The following ABR variants were observed in gnomAD, a reference collection of about 807,000 sequenced individuals.
ABR encodes the protein ABR activator of RhoGEF and GTPase, also known as active breakpoint cluster region-related protein.
ABR carries 35 observed loss-of-function variants against 107.2 expected under a neutral mutation model. The ratio of observed to expected loss-of-function variants is 0.33; its 90% CI spans 0.25 to 0.43. ABR has a LOEUF of 0.43. ABR is among the 20% of genes least tolerant of loss of function. The pLI is 1.00. For missense variants in ABR, 815 were observed against 1,115.2 expected (o/e 0.73, Z 3.83); for synonymous variants, 498 against 462.0 (o/e 1.08, Z -1.00).
chr17:1,057,367 GTGTATGCGTTT>G (rs2033434943), intron 12 of ABR, among the ~76,000 whole-genome samples: 4 of 112,672 alleles, frequency 3.6e-5, no homozygotes, highest in Non-Finnish European at 3.7e-5. Flanking sequence ...TGTGTGTGTG[GTGTATGCGTTT>G]TGTTTTCGTT....
intron 2 of ABR, among the ~76,000 whole-genome samples, chr17:1,107,196 G>A (rs1009493486): frequency 1.3e-5 from 2 of 152,240 alleles, no homozygotes; most frequent in African/African-American, 4.8e-5. Context: ...GGGGACCCAG[G>A]AGGAGCAGCG....
At chr17:1,112,208 G>C (rs1192850731) in intron 2 of ABR, among the ~76,000 whole-genome samples, 3 of 152,194 alleles carry the variant, frequency 2.0e-5, no homozygotes, top group Admixed American at 2.0e-4. Flanking sequence ...GCACACATAC[G>C]AGGCTGGGAG....
intron 16 of ABR, among the ~76,000 whole-genome samples, chr17:1,025,476 C>T (rs962261204): frequency 1.3e-5 from 2 of 152,328 alleles, no homozygotes; most frequent in East Asian, 3.9e-4. Context: ...CGGCTTCCCA[C>T]TGCATTCGGA....
chr17:1,167,629 G>A (rs1329836063), intron 1 of ABR, among the ~76,000 whole-genome samples: 2 of 152,212 alleles, frequency 1.3e-5, no homozygotes, highest in Non-Finnish European at 2.9e-5. Context: ...CAGATGTGTT[G>A]TGTGACCTCT....
At position 1,078,682 on chromosome 17, in the gene ABR, A is replaced by G; in HGVS notation, c.700+648T>C. ...TGGATGCCGCCAAAACGAAGGGGGAATTCAGGTCCAGCCGCTCGCCCACCC... is the reference window on the plus strand; with the variant it reads ...TGGATGCCGCCAAAACGAAGGGGGAGTTCAGGTCCAGCCGCTCGCCCACCC... On this transcript the variant is annotated intron_variant, in intron 6 of 22. Coordinates refer to ENST00000302538, the MANE Select transcript of ABR (RefSeq NM_021962.5). The surrounding 1 kb of genome is among the most constrained non-coding windows in gnomAD (Gnocchi z 7.5). 1 of 930,980 alleles carries G rather than the reference A, an allele frequency of 1.1e-6. No individual in the cohort carries two copies. Among genetic ancestry groups the G allele is most frequent in the East Asian group, 2.7e-5 (1 of 36,860 alleles). The allele number at this position is 930,980 out of a possible 1,614,324, so 57.7% of individuals were successfully genotyped here. A position where few individuals can be genotyped will look rare whatever the true frequency, so the allele number is the denominator to read the frequency against.
In ABR at chr17:1,050,673, G is replaced by C; in HGVS notation, c.1562-39C>G. On this transcript the variant is annotated intron_variant, in intron 14 of 22. Coordinates refer to ENST00000302538, the MANE Select transcript of ABR (RefSeq NM_021962.5). The surrounding 1 kb of genome is among the most constrained non-coding windows in gnomAD (Gnocchi z 4.6). ...ACAGACGGAGATACTGAGTGAGTGG[G>C]GCCAGGGTGGGGCAGCTGGGGCGGC... 1 of 1,560,060 alleles carries C rather than the reference G, an allele frequency of 6.4e-7. No individual in the cohort carries two copies. Among genetic ancestry groups the C allele is most frequent in the South Asian group, 1.1e-5 (1 of 90,076 alleles).
intron 16 of ABR, among the ~76,000 whole-genome samples, chr17:1,017,019 C>A (rs1030162197): frequency 6.6e-6 from 1 of 152,080 alleles, no homozygotes; most frequent in Non-Finnish European, 1.5e-5. Context: ...AAGCCTCCGA[C>A]GGGGTCTGGG....
chr17:1,227,308 G>A (rs1567907019), intron 1 of ABR, among the ~76,000 whole-genome samples: 1 of 152,158 alleles, frequency 6.6e-6, no homozygotes, highest in African/African-American at 2.4e-5. Flanking sequence ...GTGGGTCTGG[G>A]GGGAGACAGG....
At chr17:1,076,728 GTGGGGGGGGT>G (rs2035760990) in intron 6 of ABR, among the ~76,000 whole-genome samples, 1 of 117,894 alleles carries the variant, frequency 8.5e-6, no homozygotes, top group East Asian at 3.0e-4. Flanking sequence ...GGGGGTGGGG[GTGGGGGGGGT>G]GGCGGCACTG....
At chr17:1,101,567 G>A (rs961600425) in intron 2 of ABR, among the ~76,000 whole-genome samples, 6 of 152,098 alleles carry the variant, frequency 3.9e-5, no homozygotes, top group Admixed American at 1.3e-4. Flanking sequence ...TATGAATACC[G>A]CAAAACGCGA....
intron 1 of ABR, among the ~76,000 whole-genome samples, chr17:1,130,064 T>C (rs1202311239): frequency 6.6e-6 from 1 of 152,232 alleles, no homozygotes; most frequent in South Asian, 2.1e-4. Flanking sequence ...CTGGGAACGT[T>C]AGACAGCAGG....
chr17:1,137,749 T>C (rs62069393), intron 1 of ABR, among the ~76,000 whole-genome samples: 1 of 151,874 alleles, frequency 6.6e-6, no homozygotes, highest in Non-Finnish European at 1.5e-5. Context: ...AGCATGGAGG[T>C]GCCGTAAAGC....
intron 10 of ABR, among the ~76,000 whole-genome samples, chr17:1,062,942 A>G (rs1424105604): frequency 2.0e-4 from 29 of 142,696 alleles, no homozygotes; most frequent in Admixed American, 4.3e-4. Flanking sequence ...AGGGCTATGC[A>G]TGTTCCTCTA....
intron 10 of ABR, 79 bp from the exon 11 acceptor site, chr17:1,058,946 T>C (rs944762407): frequency 6.4e-7 from 1 of 1,559,622 alleles, no homozygotes; most frequent in African/African-American, 1.4e-5. Context: ...GACACTCCAC[T>C]GTGTGTTAAC....
At chr17:1,031,509 C>T in intron 16 of ABR, 1 of 656,222 alleles carries the variant, frequency 1.5e-6, no homozygotes, top group South Asian at 7.1e-5. Context: ...GGAGCGGGAC[C>T]CCATCAGCCC....
chr17:1,109,150 C>A lies in ABR; in HGVS notation c.247-8415G>T, dbSNP rs1325017803. 3.2e-5 allele frequency: 14 copies of A among 435,794 alleles called. No homozygotes were observed. The East Asian group carries it at 5.3e-4, about 16-fold the overall frequency. The allele number at this position is 435,794 out of a possible 1,614,324, so 27.0% of individuals were successfully genotyped here. On this transcript the variant is annotated intron_variant, in intron 2 of 22. Transcript: ENST00000302538. ...GAGGAGGGAGGAGGGAGGAGGCGGG[C>A]GGGAGGGGGGGCAGGTCTACACCCG...
intron 3 of ABR, among the ~76,000 whole-genome samples, chr17:1,100,308 C>T (rs1162683615): frequency 1.3e-5 from 2 of 152,184 alleles, no homozygotes; most frequent in Non-Finnish European, 2.9e-5. Flanking sequence ...GTGGAGAAGG[C>T]GCTCGGCCCC....
chr17:1,056,266 G>C lies in ABR; in HGVS notation c.1487-157C>G, dbSNP rs144905222. Among the ~76,000 whole-genome samples, 838 of 152,110 alleles carry C rather than the reference G, an allele frequency of 5.5e-3. 5 individuals are homozygous for C. The highest frequency in any genetic ancestry group is 8.3e-3 in the Non-Finnish European group (566 of 67,982). ...AGATGAAAAAGTTTCCGAAGGCCAC[G>C]GCGGCCTTATATGTGAGCTGCCCGG... On this transcript the variant is annotated intron_variant, in intron 13 of 22. Coordinates refer to ENST00000302538, the MANE Select transcript of ABR (RefSeq NM_021962.5).
chr17:1,012,666 G>A (rs1410220909), intron 18 of ABR, 22 bp downstream of exon 18: 2 of 1,549,014 alleles, frequency 1.3e-6, no homozygotes, highest in Non-Finnish European at 1.8e-6. Context: ...GCCAGGACTG[G>A]GAGACCCGAG....
Sources: allele counts gnomAD v4.1 joint callset (sites outside exome capture counted in the v4.1 genomes callset), GRCh38; gene constraint gnomAD v4.1.1; non-coding constraint Gnocchi (gnomAD v3.1); transcripts MANE v1.5; gene names NCBI Gene and HGNC (gene_info 2026-07-23, HGNC 2026-07-21).